Variants in AKAP12 observed in about 807,000 individuals in gnomAD.
AKAP12 encodes A-kinase anchoring protein 12.
In AKAP12, 32 loss-of-function variants were observed where a neutral mutation model predicts 79.9. The observed-to-expected ratio is 0.40, with a 90% confidence interval of 0.30 to 0.54. The LOEUF is 0.54. Ranked by LOEUF, AKAP12 falls within the 20% of genes least tolerant of loss-of-function variation. AKAP12 has a pLI of 0.48. For missense variants in AKAP12, 2,074 were observed against 2,177.0 expected, an observed-to-expected ratio of 0.95 and a Z score of 0.94; for synonymous variants, 808 against 857.0, an observed-to-expected ratio of 0.94 and a Z score of 1.00.
rs531727834 is a variant in AKAP12 at position 151,347,785 on chromosome 6, C to T, written c.320-926C>T. The stretch of plus-strand genomic sequence containing the variant: ...GGTGCAGTGGCTCACGCCTGTAATC[C>T]CAGCACTTTGGGAGGCCGAGGTGGG... On this transcript the variant is annotated intron_variant, in intron 3 of 4. Transcript: ENST00000402676. 5.9e-5 allele frequency among the ~76,000 whole-genome samples: 9 copies of T among 152,206 alleles called. No homozygotes were observed. The South Asian group carries it at 1.9e-3, about 32-fold the overall frequency.
At chr6:151,293,951 C>A (rs1776670921) in intron 2 of AKAP12, among the ~76,000 whole-genome samples, 1 of 151,556 alleles carries the variant, frequency 6.6e-6, no homozygotes, top group Non-Finnish European at 1.5e-5. Context: ...GAATAAAATT[C>A]TTCAGGTTCA....
At chr6:151,270,774 C>A (rs1018283699) in intron 2 of AKAP12, among the ~76,000 whole-genome samples, 7 of 151,774 alleles carry the variant, frequency 4.6e-5, no homozygotes, top group African/African-American at 1.7e-4. Flanking sequence ...TCCCTGATAG[C>A]TAATTGTGTG....
At chr6:151,245,594 G>A (rs1248349519) in intron 2 of AKAP12, among the ~76,000 whole-genome samples, 1 of 132,410 alleles carries the variant, frequency 7.6e-6, no homozygotes, top group Non-Finnish European at 1.5e-5. Context: ...GCAGGGAGCC[G>A]AGATGGCACC....
In AKAP12 at chr6:151,352,415, G is replaced by A. The variant is rs200011741; in HGVS notation, c.4024G>A (p.Glu1342Lys). 5.0e-6 allele frequency: 8 copies of A among 1,614,164 alleles called. No homozygotes were observed. The East Asian group carries it at 1.1e-4, about 22-fold the overall frequency. Reference sequence around the variant, plus strand: ...GGAGAGAGAGATGGTAGTTCAAGTCGAAAGGGAGAAAACAGAAGCAGAGCC... The same window carrying A: ...GGAGAGAGAGATGGTAGTTCAAGTCAAAAGGGAGAAAACAGAAGCAGAGCC... ...PVEREMVVQV[E>K]REKTEAEPTH... Residue 1342 changes from glutamate (E) to lysine (K), a missense_variant, in exon 4 of 5, where the codon GAA (glutamate) becomes AAA (lysine). Coordinates refer to ENST00000402676, the MANE Select transcript of AKAP12 (RefSeq NM_005100.4).
chr6:151,244,426 G>A (rs1327558805), intron 2 of AKAP12, among the ~76,000 whole-genome samples: 1 of 152,108 alleles, frequency 6.6e-6, no homozygotes, highest in African/African-American at 2.4e-5. Flanking sequence ...CGGGAGGCTG[G>A]GACAGGAGAA....
intron 2 of AKAP12, among the ~76,000 whole-genome samples, chr6:151,294,731 C>CT (rs1243152435): frequency 6.6e-6 from 1 of 152,178 alleles, no homozygotes; most frequent in Non-Finnish European, 1.5e-5. Flanking sequence ...GCTTTGTTTT[C>CT]TTTAACATAC....
At chr6:151,340,307 T>C (rs1248194299) in intron 3 of AKAP12, among the ~76,000 whole-genome samples, 2 of 151,802 alleles carry the variant, frequency 1.3e-5, no homozygotes, top group Non-Finnish European at 2.9e-5. Flanking sequence ...CACTCACTTA[T>C]TGAAGGACAT....
chr6:151,251,247 TAG>T (rs1459750383), intron 2 of AKAP12, among the ~76,000 whole-genome samples: 5 of 152,212 alleles, frequency 3.3e-5, no homozygotes, highest in African/African-American at 1.2e-4. Flanking sequence ...GCAGAGGCAA[TAG>T]AGAGCCACTG....
At chr6:151,323,963 C>G (rs1777461760) in intron 3 of AKAP12, 40 of 985,270 alleles carry the variant, frequency 4.1e-5, no homozygotes, top group Non-Finnish European at 4.8e-5. Context: ...TAATGTAGAC[C>G]CTGATGCAAC....
intron 2 of AKAP12, among the ~76,000 whole-genome samples, chr6:151,284,899 C>T (rs6907228): frequency 0.36 from 54,431 of 151,942 alleles, 10,807 homozygotes; most frequent in Non-Finnish European, 0.47. Context: ...TGTTGACTAA[C>T]GCATGGGGAC....
intron 2 of AKAP12, among the ~76,000 whole-genome samples, chr6:151,286,495 T>A (rs1776507850): frequency 6.6e-6 from 1 of 152,214 alleles, no homozygotes. Flanking sequence ...TCGGCTTGCA[T>A]TCTTCGGAAA....
chr6:151,275,298 A>G (rs943379653), intron 2 of AKAP12, among the ~76,000 whole-genome samples: 2 of 152,008 alleles, frequency 1.3e-5, no homozygotes, highest in African/African-American at 2.4e-5. Context: ...TTTGCATTCG[A>G]GAGAGGCTGG....
intron 2 of AKAP12, among the ~76,000 whole-genome samples, chr6:151,242,263 C>T (rs998069523): frequency 6.6e-6 from 1 of 152,324 alleles, no homozygotes; most frequent in African/African-American, 2.4e-5. Flanking sequence ...ATCTTACTAA[C>T]TGTTCACCCT....
intron 2 of AKAP12, among the ~76,000 whole-genome samples, chr6:151,300,954 A>G (rs1466151383): frequency 1.3e-5 from 2 of 152,208 alleles, no homozygotes; most frequent in African/African-American, 2.4e-5. Flanking sequence ...ATCTCAAAAG[A>G]AATAACTATT....
At chr6:151,316,265 A>G (rs1777232560) in intron 3 of AKAP12, among the ~76,000 whole-genome samples, 1 of 152,220 alleles carries the variant, frequency 6.6e-6, no homozygotes, top group Admixed American at 6.5e-5. Context: ...TAACCAGTGC[A>G]TGCATTAGTC....
Position 151,356,591 on chromosome 6 carries a change from T to C in AKAP12, c.*877T>C, listed in dbSNP as rs192065075. On this transcript the variant is annotated 3_prime_UTR_variant, in exon 5 of 5. Coordinates refer to ENST00000402676, the MANE Select transcript of AKAP12 (RefSeq NM_005100.4). ...TTGTAAGTTTTTGATTCTACTCTTA[T>C]ATGCTGGACTGCATTCACACATGGC... 36 of 152,386 alleles carry C rather than the reference T, an allele frequency of 2.4e-4. No individual in the cohort carries two copies. The highest frequency in any genetic ancestry group is 7.2e-4 in the Admixed American group (11 of 15,308). 9.4% of individuals were successfully genotyped at this position (152,386 alleles called of 1,614,324 possible). A position where few individuals can be genotyped will look rare whatever the true frequency, so the allele number is the denominator to read the frequency against.
Position 151,349,879 on chromosome 6 carries a change from T to A in AKAP12, c.1488T>A (p.Val496=). ...TGCTGTCCAAACCCCCCGAAGGCGT[T>A]GTGAGTGAGGTGGAAATGCTGTCAT... ...EKVLSKPPEG[V]VSEVEMLSSQ... The change falls in exon 4 of 5, where the codon GTT becomes GTA. Residue 496 remains valine, a synonymous_variant. Coordinates refer to ENST00000402676, the MANE Select transcript of AKAP12 (RefSeq NM_005100.4). The A allele has an allele frequency of 6.2e-7, 1 of 1,614,062 alleles. No individual in the cohort carries two copies. Among genetic ancestry groups the A allele is most frequent in the Non-Finnish European group, 8.5e-7 (1 of 1,180,000 alleles).
chr6:151,244,237 A>T (rs1036356934), intron 2 of AKAP12, among the ~76,000 whole-genome samples: 3 of 152,200 alleles, frequency 2.0e-5, no homozygotes, highest in Non-Finnish European at 4.4e-5. Context: ...ATTAAAACAG[A>T]CAATTGGCCG....
intron 2 of AKAP12, among the ~76,000 whole-genome samples, chr6:151,297,050 G>A (rs1776747910): frequency 7.7e-6 from 1 of 129,050 alleles, no homozygotes; most frequent in South Asian, 2.5e-4. Context: ...AGTCTGGATT[G>A]CTGTTTGAAG....
Sources: gnomAD v4.1 joint callset for allele counts (sites outside exome capture counted in the v4.1 genomes callset) on GRCh38, gnomAD v4.1.1 for gene constraint, MANE v1.5 for transcripts, NCBI Gene and HGNC (gene_info 2026-07-23, HGNC 2026-07-21) for gene names.